MDK: variants seen among roughly 807,000 people sequenced by gnomAD.
MDK encodes midkine.
A neutral mutation model predicts 18.9 loss-of-function variants in MDK; 17 were observed. The ratio of observed to expected loss-of-function variants is 0.90; its 90% confidence interval spans 0.62 to 1.35. The LOEUF (loss-of-function observed/expected upper bound fraction) is 1.35. Among genes scored for constraint, MDK ranks in the 40% most tolerant of loss-of-function variants. The probability of loss-of-function intolerance (pLI) is 0.00; values close to 1 mark genes in which losing one functional copy is unlikely to be tolerated. For synonymous variants in MDK, 86 were observed against 74.3 expected (o/e 1.16, Z -0.81); for missense variants, 180 against 186.3 (o/e 0.97, Z 0.20).
Position 46,382,419 on chromosome 11 carries a change from A to T in MDK, c.202A>T (p.Ile68Phe). ...EGTCGAQTQR[I>F]RCRVPCNWKK... ...CACCTGCGGGGCCCAGACCCAGCGC[A>T]TCCGGTGCAGGGTGCCCTGCAACTG... is the stretch of plus-strand genomic sequence containing the variant. The change falls in exon 3 of 5, where the codon ATC becomes TTC. Residue 68 changes from isoleucine to phenylalanine, a missense_variant. Transcript: ENST00000395566. The T allele has an allele frequency of 6.5e-7, 1 of 1,538,510 alleles. No individual in the cohort carries two copies. The highest frequency in any genetic ancestry group is 8.7e-7 in the Non-Finnish European group (1 of 1,143,490).
At position 46,382,567 on chromosome 11, in the gene MDK, C is replaced by G; in HGVS notation, c.245-20C>G. Reference sequence around the variant, plus strand: ...GGGCCGCGGGCCGCGCAGCGCTGACCTGGGCCGCTCTCTCGCCAGCCGACT... The same window carrying G: ...GGGCCGCGGGCCGCGCAGCGCTGACGTGGGCCGCTCTCTCGCCAGCCGACT... On this transcript the variant is annotated intron_variant, in intron 3 of 4. Transcript: ENST00000395566. 1 of 1,598,920 alleles carries G rather than the reference C, an allele frequency of 6.3e-7. No homozygotes were observed. The highest frequency in any genetic ancestry group is 1.3e-5 in the African/African-American group (1 of 74,670).
chr11:46,382,582 G>T lies in MDK; in HGVS notation c.245-5G>T. ...CAGCGCTGACCTGGGCCGCTCTCTC[G>T]CCAGCCGACTGCAAGTACAAGTTTG... On this transcript the variant is annotated splice_polypyrimidine_tract_variant and splice_region_variant and intron_variant, in intron 3 of 4. Coordinates refer to ENST00000395566, the MANE Select transcript of MDK (RefSeq NM_002391.6). 1 of 1,606,002 alleles carries T rather than the reference G, an allele frequency of 6.2e-7. No homozygotes were observed. Among genetic ancestry groups the T allele is most frequent in the Non-Finnish European group, 8.5e-7 (1 of 1,176,124 alleles).
intron 4 of MDK, 194 bp from the exon 5 acceptor site, chr11:46,383,275 A>C: frequency 1.8e-6 from 1 of 540,726 alleles, no homozygotes; most frequent in Non-Finnish European, 3.3e-6. Context: ...CCAAGTGGAA[A>C]TAGGAAGCTG....
At chr11:46,382,985 C>T in intron 4 of MDK, 1 of 583,326 alleles carries the variant, frequency 1.7e-6, no homozygotes, top group Non-Finnish European at 3.1e-6. Flanking sequence ...CCAACTCAAA[C>T]TACTCCATTG....
chr11:46,382,790 G>GGGGGCGC, intron 4 of MDK, 42 bp downstream of exon 4: 2 of 985,980 alleles, frequency 2.0e-6, no homozygotes, highest in Non-Finnish European at 2.7e-6. Context: ...GCGGGGGGCT[G>GGGGGCGC]CCCCCCCCCC....
Position 46,383,595 on chromosome 11 carries a change from C to A in MDK, c.*101C>A. On this transcript the variant is annotated 3_prime_UTR_variant, in exon 5 of 5. Coordinates refer to ENST00000395566, the MANE Select transcript of MDK (RefSeq NM_002391.6). ...GATGTGACCCACCAGTGCCTTCTGT[C>A]TGCTCGTTAGCTTTAATCAATCATG... The A allele has an allele frequency of 9.5e-7, 1 of 1,048,998 alleles. No individual in the cohort carries two copies. The highest frequency in any genetic ancestry group is 1.5e-6 in the Non-Finnish European group (1 of 672,362). 65.0% of individuals were successfully genotyped at this position (1,048,998 alleles called of 1,614,324 possible).
In MDK at chr11:46,383,462, T is replaced by C. The variant is rs1945282669; in HGVS notation, c.407-7T>C. On this transcript the variant is annotated splice_region_variant and splice_polypyrimidine_tract_variant and intron_variant, in intron 4 of 4. Transcript: ENST00000395566. ...TATGGTATTAATATTTCTTTCTTGT[T>C]TTACAGCCAAGAAAGGGAAGGGAAA... The C allele has an allele frequency of 6.3e-7, 1 of 1,587,044 alleles. No individual in the cohort carries two copies. The highest frequency in any genetic ancestry group is 8.6e-7 in the Non-Finnish European group (1 of 1,166,084).
At position 46,382,145 on chromosome 11, in the gene MDK, T is replaced by C. The variant is rs1247940154; in HGVS notation, c.76+12T>C. On this transcript the variant is annotated intron_variant, in intron 2 of 4. Coordinates refer to ENST00000395566, the MANE Select transcript of MDK (RefSeq NM_002391.6). ...CGCCAAAAAGAAAGGTGATGGGGGA[T>C]GATCGAAGGAGGGCTGGGGACGGGC... The C allele has an allele frequency of 6.2e-7, 1 of 1,610,720 alleles. No homozygotes were observed. Among genetic ancestry groups the C allele is most frequent in the Non-Finnish European group, 8.5e-7 (1 of 1,179,064 alleles).
Position 46,382,359 on chromosome 11 carries a change from A to G in MDK, c.142A>G (p.Ser48Gly). 6.3e-7 allele frequency: 1 copy of G among 1,595,584 alleles called. No individual in the cohort carries two copies. The highest frequency in any genetic ancestry group is 8.5e-7 in the Non-Finnish European group (1 of 1,172,848). ...GTGGGCCTGGGGGCCCTGCACCCCC[A>G]GCAGCAAGGATTGCGGCGTGGGTTT... is the stretch of plus-strand genomic sequence containing the variant. Reference protein sequence around the residue: ...AEWAWGPCTPSSKDCGVGFRE... With the variant: ...AEWAWGPCTPGSKDCGVGFRE... The change falls in exon 3 of 5, where the codon AGC (serine) becomes GGC (glycine). Residue 48 changes from serine (S) to glycine (G), a missense_variant. Coordinates refer to ENST00000395566, the MANE Select transcript of MDK (RefSeq NM_002391.6).
intron 4 of MDK, 186 bp downstream of exon 4, chr11:46,382,934 G>T: frequency 1.5e-6 from 1 of 676,166 alleles, no homozygotes; most frequent in Non-Finnish European, 2.5e-6. Context: ...GAGGCCGCAG[G>T]TGATGCTGGG....
chr11:46,382,023 G>A (rs1353158185), intron 1 of MDK, 34 bp from the exon 2 acceptor site: 1 of 1,573,046 alleles, frequency 6.4e-7, no homozygotes, highest in Non-Finnish European at 8.6e-7. Context: ...GGAAGGGGAC[G>A]GGCCAGGGAT....
At chr11:46,383,422 CA>C in intron 4 of MDK, 46 bp from the exon 5 acceptor site, 2 of 1,497,184 alleles carry the variant, frequency 1.3e-6, no homozygotes, top group Non-Finnish European at 1.8e-6. Context: ...TGCAATGGGT[CA>C]GCCTAACTGC....
chr11:46,382,181 C>T (rs749941744), intron 2 of MDK, 48 bp downstream of exon 2: 2 of 1,607,994 alleles, frequency 1.2e-6, no homozygotes, highest in South Asian at 1.1e-5. Flanking sequence ...AGGCGAGGCC[C>T]CTCCACTTCT....
Position 46,382,618 on chromosome 11 carries a change from T to G in MDK, c.276T>G (p.Gly92=), listed in dbSNP as rs1293920640. The G allele has an allele frequency of 8.7e-6, 14 of 1,612,112 alleles. 1 individual carries two copies. In the Admixed American group the frequency reaches 2.3e-4, roughly 27 times the overall value. The change falls in exon 4 of 5, where the codon GGT becomes GGG. Residue 92 remains glycine, a synonymous_variant. Coordinates refer to ENST00000395566, the MANE Select transcript of MDK (RefSeq NM_002391.6). ...GCAAGTACAAGTTTGAGAACTGGGG[T>G]GCGTGTGATGGGGGCACAGGCACCA... is the stretch of plus-strand genomic sequence containing the variant. ...ADCKYKFENW[G]ACDGGTGTKV... is the part of the protein sequence containing the mutation.
intron 1 of MDK, 109 bp from the exon 2 acceptor site, chr11:46,381,948 C>T: frequency 1.6e-6 from 2 of 1,216,566 alleles, no homozygotes; most frequent in Non-Finnish European, 2.3e-6. Flanking sequence ...CCTTAGCAGC[C>T]CGACTTGGGG....
Position 46,382,394 on chromosome 11 carries a change from C to G in MDK, c.177C>G (p.Gly59=). The change falls in exon 3 of 5, where the codon GGC becomes GGG. Residue 59 remains glycine (G), a synonymous_variant. Coordinates refer to ENST00000395566, the MANE Select transcript of MDK (RefSeq NM_002391.6). ...ATTGCGGCGTGGGTTTCCGCGAGGG[C>G]ACCTGCGGGGCCCAGACCCAGCGCA... ...SKDCGVGFRE[G]TCGAQTQRIR... The G allele has an allele frequency of 6.4e-7, 1 of 1,561,082 alleles. No homozygotes were observed. The highest frequency in any genetic ancestry group is 8.6e-7 in the Non-Finnish European group (1 of 1,156,114).
At position 46,382,797 on chromosome 11, in the gene MDK, C is replaced by A. The variant is rs181546935; in HGVS notation, c.406+49C>A. On this transcript the variant is annotated intron_variant, in intron 4 of 4. Coordinates refer to ENST00000395566, the MANE Select transcript of MDK (RefSeq NM_002391.6). ...GGGCTGTCGCGGGGGGCTGCCCCCC[C>A]CCCCCCCCGCCTGTGAGGGGACAAT... 36 of 1,496,132 alleles carry A rather than the reference C, an allele frequency of 2.4e-5. No homozygotes were observed. The African/African-American group carries it at 3.2e-4, about 13-fold the overall frequency. 92.7% of individuals were successfully genotyped at this position (1,496,132 alleles called of 1,614,324 possible).
rs558385181 is a variant in MDK at position 46,382,672 on chromosome 11, G to A, written c.330G>A (p.Ala110=). The A allele has an allele frequency of 8.7e-6, 14 of 1,613,150 alleles. No homozygotes were observed. The African/African-American group carries it at 1.7e-4, about 20-fold the overall frequency. Residue 110 remains alanine (A), a synonymous_variant, in exon 4 of 5, where the codon GCG becomes GCA. Transcript: ENST00000395566. ...TCCGCCAAGGCACCCTGAAGAAGGC[G>A]CGCTACAATGCTCAGTGCCAGGAGA... ...TKVRQGTLKK[A]RYNAQCQETI... is the part of the protein sequence containing the mutation.
chr11:46,381,892 C>G, intron 1 of MDK, 134 bp downstream of exon 1: 1 of 685,186 alleles, frequency 1.5e-6, no homozygotes, highest in Non-Finnish European at 2.4e-6. Context: ...AGCGGTGCGT[C>G]CGGGCTAGCG....
Sources: allele counts gnomAD v4.1 joint callset, GRCh38; gene constraint gnomAD v4.1.1; transcripts MANE v1.5; gene names NCBI Gene and HGNC (gene_info 2026-07-23, HGNC 2026-07-21).